Variants in TANC2 observed in about 807,000 individuals in gnomAD.
TANC2 encodes the protein protein TANC2.
TANC2 carries 26 observed loss-of-function variants against 210.5 expected under a neutral mutation model. The observed-to-expected ratio is 0.12, with a 90% CI of 0.09 to 0.17. TANC2 has a LOEUF of 0.17. Ranked by LOEUF, TANC2 falls within the 10% of genes least tolerant of loss-of-function variation. The probability of loss-of-function intolerance (pLI) is 1.00; values close to 1 mark genes in which losing one functional copy is unlikely to be tolerated. For synonymous variants in TANC2, 931 were observed against 967.1 expected (o/e 0.96, Z 0.69); for missense variants, 2,129 against 2,608.9 (o/e 0.82, Z 4.01).
chr17:63,027,902 C>T (rs1283644927), intron 2 of TANC2, among the ~76,000 whole-genome samples: 5 of 151,936 alleles, frequency 3.3e-5, no homozygotes, highest in South Asian at 2.1e-4. Flanking sequence ...AAACAAGTTC[C>T]GCACTCCCCC....
intron 2 of TANC2, among the ~76,000 whole-genome samples, chr17:63,044,213 T>C (rs1224744626): frequency 6.6e-6 from 1 of 152,190 alleles, no homozygotes; most frequent in Admixed American, 6.6e-5. Context: ...CAGATATAGA[T>C]AATATATAGA....
At chr17:63,255,195 C>T (rs973535130) in intron 8 of TANC2, among the ~76,000 whole-genome samples, 1 of 152,096 alleles carries the variant, frequency 6.6e-6, no homozygotes, top group East Asian at 1.9e-4. Context: ...AGCTCCACCT[C>T]CCGGGTTCAC....
intron 4 of TANC2, among the ~76,000 whole-genome samples, chr17:63,123,431 C>T (rs1012396855): frequency 1.4e-4 from 21 of 151,612 alleles, no homozygotes; most frequent in African/African-American, 3.4e-4. Flanking sequence ...TGATGGCTGG[C>T]GCCTGTGGTC....
chr17:63,127,073 AT>A (rs1322945618), intron 4 of TANC2, among the ~76,000 whole-genome samples: 1 of 152,192 alleles, frequency 6.6e-6, no homozygotes, highest in South Asian at 2.1e-4. Context: ...AAATGGACAG[AT>A]TTAGCTTGTC....
At chr17:63,085,938 T>G (rs563035595) in intron 3 of TANC2, among the ~76,000 whole-genome samples, 2 of 152,296 alleles carry the variant, frequency 1.3e-5, no homozygotes, top group Non-Finnish European at 2.9e-5. Flanking sequence ...GCAGGTCTTC[T>G]GGCAACAAAT....
chr17:63,063,708 A>G (rs1363226142), intron 2 of TANC2, among the ~76,000 whole-genome samples: 2 of 145,094 alleles, frequency 1.4e-5, no homozygotes, highest in Non-Finnish European at 1.5e-5. Flanking sequence ...GTAGAGATAT[A>G]TCTCTTACAA....
chr17:63,195,284 T>G (rs2041308079), intron 6 of TANC2, among the ~76,000 whole-genome samples: 1 of 152,190 alleles, frequency 6.6e-6, no homozygotes, highest in South Asian at 2.1e-4. Context: ...ATGTTTAAAA[T>G]GTATCTCAAA....
At chr17:63,191,027 C>T (rs976657013) in intron 5 of TANC2, among the ~76,000 whole-genome samples, 1 of 151,912 alleles carries the variant, frequency 6.6e-6, no homozygotes, top group African/African-American at 2.4e-5. Flanking sequence ...TTCCACTGGC[C>T]AGACTTTTTT....
intron 1 of TANC2, chr17:62,967,726 T>A (rs925240337): frequency 2.0e-5 from 3 of 152,158 alleles, no homozygotes; most frequent in African/African-American, 7.2e-5. Flanking sequence ...GGGATAGATT[T>A]TCAGGCATTT....
chr17:63,167,884 C>CAAAAAAAA (rs760465295), intron 5 of TANC2, among the ~76,000 whole-genome samples: 5 of 63,972 alleles, frequency 7.8e-5, no homozygotes, highest in African/African-American at 1.2e-4. Context: ...GACTCTGTCT[C>CAAAAAAAA]AAAAAAAAAA....
At chr17:63,309,164 TGTGA>T (rs1233479812) in intron 9 of TANC2, among the ~76,000 whole-genome samples, 3 of 152,032 alleles carry the variant, frequency 2.0e-5, no homozygotes, top group Non-Finnish European at 4.4e-5. Context: ...CTGCAAAAAA[TGTGA>T]GTGTGTGTAT....
intron 7 of TANC2, among the ~76,000 whole-genome samples, chr17:63,220,762 G>T (rs1186617766): frequency 1.4e-5 from 2 of 145,120 alleles, no homozygotes; most frequent in African/African-American, 5.1e-5. Flanking sequence ...GTATATACGT[G>T]TATGTGTATA....
chr17:63,367,479 A>C lies in TANC2; in HGVS notation c.2582+12089A>C, dbSNP rs1464149861. 2.6e-5 allele frequency among the ~76,000 whole-genome samples: 4 copies of C among 152,320 alleles called. No individual in the cohort carries two copies. The East Asian group carries it at 7.7e-4, about 29-fold the overall frequency. On this transcript the variant is annotated intron_variant, in intron 14 of 27. Transcript: ENST00000689528. ...GGCTCAAAACAATTCTTCTTCTTCC[A>C]GTGTGGCCCCAGGAAGCCAAAAGAT...
At chr17:63,005,035 GGTT>G (rs2033553890) in intron 1 of TANC2, 1 of 152,450 alleles carries the variant, frequency 6.6e-6, no homozygotes, top group Non-Finnish European at 1.5e-5. Context: ...TTGATCTGGA[GGTT>G]GTTGTTGCCT....
chr17:63,025,835 AATAAAAT>A (rs1432094590), intron 2 of TANC2, among the ~76,000 whole-genome samples: 2 of 149,758 alleles, frequency 1.3e-5, no homozygotes, highest in African/African-American at 4.9e-5. Context: ...AATAAAATAA[AATAAAAT>A]AAAATAAAAT....
chr17:63,078,487 T>A (rs2036648256), intron 3 of TANC2, among the ~76,000 whole-genome samples: 1 of 152,156 alleles, frequency 6.6e-6, no homozygotes, highest in Admixed American at 6.5e-5. Flanking sequence ...TCTTGTTTCT[T>A]AAGGTAGAAT....
chr17:63,390,628 T>A (rs536153179), intron 17 of TANC2: 1 of 152,334 alleles, frequency 6.6e-6, no homozygotes, highest in South Asian at 2.1e-4. Context: ...CACTCAGCTT[T>A]ATTTTTTTCC....
intron 9 of TANC2, among the ~76,000 whole-genome samples, chr17:63,302,091 G>T (rs1432525652): frequency 6.6e-6 from 1 of 152,222 alleles, no homozygotes; most frequent in Non-Finnish European, 1.5e-5. Context: ...TTGGTTTTGA[G>T]TGAGTTTCTT....
At chr17:63,220,728 A>ATG (rs2042156248) in intron 7 of TANC2, among the ~76,000 whole-genome samples, 2 of 144,858 alleles carry the variant, frequency 1.4e-5, no homozygotes, top group African/African-American at 5.1e-5. Context: ...AAATATATAT[A>ATG]TATATATATG....
Sources: gnomAD v4.1 joint callset for allele counts (sites outside exome capture counted in the v4.1 genomes callset) on GRCh38, gnomAD v4.1.1 for gene constraint, MANE v1.5 for transcripts, NCBI Gene and HGNC (gene_info 2026-07-23, HGNC 2026-07-21) for gene names.